Variants in PTPRT observed in about 807,000 individuals in gnomAD.
PTPRT encodes receptor-type tyrosine-protein phosphatase T.
A neutral mutation model predicts 176.8 loss-of-function variants in PTPRT; 56 were observed. The ratio of observed to expected loss-of-function variants is 0.32; its 90% CI spans 0.26 to 0.40. The LOEUF is 0.40. Among genes scored for constraint, PTPRT ranks in the 10% least tolerant of loss-of-function variants. PTPRT has a pLI of 1.00. For missense variants in PTPRT, 1,540 were observed against 1,908.2 expected (o/e 0.81, Z 3.60); for synonymous variants, 783 against 739.0 (o/e 1.06, Z -0.96).
rs2072675260 is a variant in PTPRT, at chr20:42,546,453, AT to A, written c.1154-73892del. Among the ~76,000 whole-genome samples, 5 of 150,908 alleles carry A rather than the reference AT, an allele frequency of 3.3e-5. No individual in the cohort carries two copies. In the Admixed American group the frequency reaches 3.3e-4, roughly 10 times the overall value. ...CTGCATACTACTAGTTAGGTTTTCA[AT>A]TCTAACAAACAACAGACAAAAAAAG... On this transcript the variant is annotated intron_variant, in intron 7 of 30. Coordinates refer to ENST00000373187, the MANE Select transcript of PTPRT (RefSeq NM_007050.6).
intron 16 of PTPRT, among the ~76,000 whole-genome samples, chr20:42,194,576 AAAG>A (rs1200791392): frequency 1.3e-4 from 20 of 152,358 alleles, no homozygotes; most frequent in Admixed American, 1.1e-3. Context: ...CAAAAGAGAT[AAAG>A]AAGAAGATTT....
chr20:43,138,076 A>C (rs73106041), intron 1 of PTPRT, among the ~76,000 whole-genome samples: 9,229 of 152,238 alleles, frequency 0.061, 422 homozygotes, highest in African/African-American at 0.12. Context: ...TGTTGTGAGG[A>C]TTCACTGAAG....
At chr20:42,386,903 T>A (rs1440514795) in intron 9 of PTPRT, among the ~76,000 whole-genome samples, 2 of 152,078 alleles carry the variant, frequency 1.3e-5, no homozygotes, top group Non-Finnish European at 2.9e-5. Flanking sequence ...TCATTACATA[T>A]GAGAAAATTG....
At chr20:42,546,377 T>C (rs1252198326) in intron 7 of PTPRT, among the ~76,000 whole-genome samples, 1 of 152,116 alleles carries the variant, frequency 6.6e-6, no homozygotes, top group African/African-American at 2.4e-5. Context: ...CAGTGTATGA[T>C]TGGTTGAAGT....
At chr20:42,730,686 T>G (rs1395952271) in intron 6 of PTPRT, among the ~76,000 whole-genome samples, 1 of 152,244 alleles carries the variant, frequency 6.6e-6, no homozygotes, top group Non-Finnish European at 1.5e-5. Context: ...CAATGCTGAA[T>G]GCTCACAGCT....
chr20:43,121,172 A>T (rs61131853), intron 1 of PTPRT, among the ~76,000 whole-genome samples: 20,028 of 151,686 alleles, frequency 0.13, 1,751 homozygotes, highest in Admixed American at 0.17. Context: ...CACCCATTTC[A>T]TTGCAAGAAG....
intron 1 of PTPRT, among the ~76,000 whole-genome samples, chr20:42,992,719 T>C (rs1313212685): frequency 6.6e-6 from 1 of 152,240 alleles, no homozygotes; most frequent in Non-Finnish European, 1.5e-5. Flanking sequence ...CAATCATTTA[T>C]GGTCTCCATG....
chr20:42,660,369 C>A (rs1401397986), intron 7 of PTPRT, among the ~76,000 whole-genome samples: 1 of 152,160 alleles, frequency 6.6e-6, no homozygotes, highest in Non-Finnish European at 1.5e-5. Flanking sequence ...CCCAGTCCAT[C>A]ACTGTTTGGG....
chr20:42,798,069 C>G (rs2077478025), intron 2 of PTPRT, among the ~76,000 whole-genome samples: 2 of 152,190 alleles, frequency 1.3e-5, no homozygotes, highest in South Asian at 4.1e-4. Context: ...ATACACACTT[C>G]AAACATCCTA....
chr20:42,621,206 G>A (rs1316321241), intron 7 of PTPRT, among the ~76,000 whole-genome samples: 1 of 152,064 alleles, frequency 6.6e-6, no homozygotes, highest in Non-Finnish European at 1.5e-5. Context: ...CCTTCCCCCT[G>A]GGCTCTAGAT....
At chr20:42,671,888 T>A (rs2075419174) in intron 7 of PTPRT, among the ~76,000 whole-genome samples, 1 of 152,244 alleles carries the variant, frequency 6.6e-6, no homozygotes, top group Non-Finnish European at 1.5e-5. Context: ...GAAGTCCCTT[T>A]GATCCTAAAG....
At chr20:42,703,293 AC>A (rs1443415492) in intron 6 of PTPRT, among the ~76,000 whole-genome samples, 1 of 152,186 alleles carries the variant, frequency 6.6e-6, no homozygotes, top group East Asian at 1.9e-4. Flanking sequence ...TAATTAGCTC[AC>A]ACTGGAAGCC....
At chr20:42,660,100 A>T (rs913387387) in intron 7 of PTPRT, among the ~76,000 whole-genome samples, 1 of 152,234 alleles carries the variant, frequency 6.6e-6, no homozygotes, top group African/African-American at 2.4e-5. Context: ...AATTGTGCTT[A>T]TAAAGGGCTC....
chr20:42,305,610 C>CGT (rs376539274), intron 12 of PTPRT, among the ~76,000 whole-genome samples: 2 of 145,818 alleles, frequency 1.4e-5, no homozygotes, highest in Admixed American at 6.7e-5. Flanking sequence ...TGTGTGTGCA[C>CGT]GTGTGTGTGT....
intron 8 of PTPRT, among the ~76,000 whole-genome samples, chr20:42,453,979 G>A (rs752387524): frequency 5.3e-5 from 8 of 152,000 alleles, no homozygotes; most frequent in Non-Finnish European, 7.4e-5. Context: ...GATTATAGGT[G>A]TGAGCCACTG....
intron 11 of PTPRT, among the ~76,000 whole-genome samples, chr20:42,322,273 T>C (rs2057810756): frequency 1.3e-5 from 2 of 150,614 alleles, no homozygotes; most frequent in South Asian, 4.2e-4. Context: ...AAAGTTCATA[T>C]GGAACCAAAA....
intron 1 of PTPRT, among the ~76,000 whole-genome samples, chr20:43,163,008 G>C (rs1164392480): frequency 1.3e-5 from 2 of 152,200 alleles, no homozygotes; most frequent in Admixed American, 1.3e-4. Context: ...TCCCTTGCTG[G>C]TGAATCCACA....
At chr20:43,080,504 T>C (rs2011411114) in intron 1 of PTPRT, among the ~76,000 whole-genome samples, 1 of 152,254 alleles carries the variant, frequency 6.6e-6, no homozygotes, top group Non-Finnish European at 1.5e-5. Context: ...CCCATTGAGA[T>C]CACTGTATGG....
chr20:42,952,169 C>T (rs1981295784), intron 1 of PTPRT, among the ~76,000 whole-genome samples: 1 of 152,214 alleles, frequency 6.6e-6, no homozygotes, highest in Non-Finnish European at 1.5e-5. Flanking sequence ...TAGCTGTGTG[C>T]CACAAGCCTG....
Sources: gnomAD v4.1 joint callset for allele counts (sites outside exome capture counted in the v4.1 genomes callset) on GRCh38, gnomAD v4.1.1 for gene constraint, MANE v1.5 for transcripts, NCBI Gene and HGNC (gene_info 2026-07-23, HGNC 2026-07-21) for gene names.